Variants in SLC37A1 observed in about 807,000 individuals in gnomAD.
SLC37A1 encodes the protein glucose-6-phosphate exchanger SLC37A1.
A neutral mutation model predicts 75.3 loss-of-function variants in SLC37A1; 49 were observed. The ratio of observed to expected loss-of-function variants is 0.65; its 90% CI spans 0.52 to 0.83. The LOEUF is 0.83. Ranked by LOEUF, SLC37A1 falls within the 40% of genes least tolerant of loss-of-function variation. The probability of loss-of-function intolerance (pLI) is 0.00; values close to 1 mark genes in which losing one functional copy is unlikely to be tolerated. For synonymous variants in SLC37A1, 268 were observed against 292.1 expected, an observed-to-expected ratio of 0.92 and a Z score of 0.84; for missense variants, 566 against 695.0, an observed-to-expected ratio of 0.81 and a Z score of 2.09.
chr21:42,572,677 C>A lies in SLC37A1; in HGVS notation c.1424-2141C>A, dbSNP rs200153043. 4.2e-4 allele frequency among the ~76,000 whole-genome samples: 34 copies of A among 80,510 alleles called. 1 individual carries two copies. Among genetic ancestry groups the A allele is most frequent in the African/African-American group, 4.4e-4 (11 of 24,864 alleles). The allele number at this position is 80,510 out of a possible 152,430, so 52.8% of individuals were successfully genotyped here. A position where few individuals can be genotyped will look rare whatever the true frequency, so the allele number is the denominator to read the frequency against. On this transcript the variant is annotated intron_variant, in intron 17 of 19. Coordinates refer to ENST00000352133, the MANE Select transcript of SLC37A1 (RefSeq NM_001320537.2). ...TAACAGGTTTTCAGCCACACACACA[C>A]AAAAAAAAAAAAAAGAGTGTGTCCT...
At chr21:42,555,327 TCTC>T (rs2055661979) in intron 10 of SLC37A1, among the ~76,000 whole-genome samples, 2 of 152,280 alleles carry the variant, frequency 1.3e-5, no homozygotes, top group African/African-American at 4.8e-5. Flanking sequence ...ACACAGGGCC[TCTC>T]CTCTGTCAGA....
chr21:42,525,494 A>T (rs1356173823), intron 2 of SLC37A1, among the ~76,000 whole-genome samples: 1 of 152,248 alleles, frequency 6.6e-6, no homozygotes, highest in Admixed American at 6.5e-5. Context: ...ACCCCTACAC[A>T]CGTAGTGTTA....
At chr21:42,564,025 G>A (rs1360276778) in intron 13 of SLC37A1, 148 bp downstream of exon 13, 8 of 816,794 alleles carry the variant, frequency 9.8e-6, no homozygotes, top group Non-Finnish European at 1.6e-5. Context: ...CCGTCACCTG[G>A]GGGTGGTTTT....
intron 2 of SLC37A1, among the ~76,000 whole-genome samples, chr21:42,503,648 G>A (rs1024522186): frequency 1.3e-5 from 2 of 152,088 alleles, no homozygotes; most frequent in African/African-American, 2.4e-5. Context: ...TCAGCTCTGG[G>A]TACTGTTGCT....
At chr21:42,524,387 A>G (rs2054728349) in intron 2 of SLC37A1, among the ~76,000 whole-genome samples, 2 of 151,960 alleles carry the variant, frequency 1.3e-5, no homozygotes, top group South Asian at 4.1e-4. Flanking sequence ...TTTCTTCCTC[A>G]CACTCATGCT....
intron 2 of SLC37A1, among the ~76,000 whole-genome samples, chr21:42,505,024 G>A (rs143826410): frequency 6.6e-6 from 1 of 152,134 alleles, no homozygotes; most frequent in Non-Finnish European, 1.5e-5. Context: ...CCTTAGTCAG[G>A]ACACCATCAT....
upstream of SLC37A1, among the ~76,000 whole-genome samples, chr21:42,512,974 G>A (rs1166802756): frequency 6.6e-6 from 1 of 152,256 alleles, no homozygotes; most frequent in Non-Finnish European, 1.5e-5. Context: ...GCACTGGCCT[G>A]TTGGGACATT....
rs372686612 is a variant in SLC37A1 at position 42,560,963 on chromosome 21, C to G, written c.982-1115C>G. ...AGTGTTCAGGCAAGTGTGGCACACT[C>G]TGAGCCTCCATGTCCTCATCTGTCA... On this transcript the variant is annotated intron_variant, in intron 11 of 19. Transcript: ENST00000352133. Among the ~76,000 whole-genome samples, 9 of 152,328 alleles carry G rather than the reference C, an allele frequency of 5.9e-5. No homozygotes were observed. The East Asian group carries it at 1.7e-3, about 29-fold the overall frequency.
intron 2 of SLC37A1, among the ~76,000 whole-genome samples, chr21:42,503,849 TG>T (rs558246249): frequency 1.1e-4 from 16 of 152,304 alleles, no homozygotes; most frequent in African/African-American, 3.6e-4. Flanking sequence ...GGTTTTAAAC[TG>T]GACTGGTAAT....
rs2055761131 is a variant in SLC37A1 at position 42,559,069 on chromosome 21, A to C, written c.961A>C (p.Thr321Pro). The C allele has an allele frequency of 1.2e-6, 2 of 1,611,760 alleles. No homozygotes were observed. Among genetic ancestry groups the C allele is most frequent in the East Asian group, 4.5e-5 (2 of 44,608 alleles). Residue 321 changes from threonine (T) to proline (P), a missense_variant, in exon 11 of 20, where the codon ACA (threonine) becomes CCA (proline). Transcript: ENST00000352133. ...GAGTGGCACGGCCGCCATCAGCTTC[A>C]CAGGGGCCTTGAAAATTCCAGTAAG... ...GGSGTAAISFTGALKIPGVIE... is the reference protein window; with the variant it reads ...GGSGTAAISFPGALKIPGVIE...
intron 8 of SLC37A1, among the ~76,000 whole-genome samples, chr21:42,544,651 C>T (rs923964090): frequency 1.2e-4 from 19 of 152,270 alleles, no homozygotes; most frequent in African/African-American, 1.4e-4. Flanking sequence ...CCTTCGGCCA[C>T]ACCCCAAACA....
chr21:42,501,373 A>G (rs2054339937), intron 1 of SLC37A1, among the ~76,000 whole-genome samples: 1 of 152,244 alleles, frequency 6.6e-6, no homozygotes, highest in Non-Finnish European at 1.5e-5. Flanking sequence ...AAGAAATTAC[A>G]GACCCATTGG....
intron 1 of SLC37A1, among the ~76,000 whole-genome samples, chr21:42,500,485 C>T (rs1363719268): frequency 6.6e-6 from 1 of 152,140 alleles, no homozygotes; most frequent in Non-Finnish European, 1.5e-5. Flanking sequence ...TAGCATAGTG[C>T]CTAGCACAAA....
intron 17 of SLC37A1, among the ~76,000 whole-genome samples, chr21:42,574,312 T>C (rs761897124): frequency 7.9e-5 from 12 of 152,230 alleles, no homozygotes; most frequent in Non-Finnish European, 1.8e-4. Flanking sequence ...TTACGTGTAC[T>C]CAAGAAAATA....
intron 5 of SLC37A1, among the ~76,000 whole-genome samples, chr21:42,537,053 C>T (rs2055157815): frequency 6.6e-6 from 1 of 152,228 alleles, no homozygotes; most frequent in Admixed American, 6.5e-5. Flanking sequence ...TTCCCTGAGA[C>T]CTGCCCAGAG....
chr21:42,516,675 TC>T (rs1408841497), intron 1 of SLC37A1, among the ~76,000 whole-genome samples: 1 of 152,244 alleles, frequency 6.6e-6, no homozygotes, highest in African/African-American at 2.4e-5. Flanking sequence ...AGGTTTTTTT[TC>T]CCTTCTTGAT....
Position 42,553,144 on chromosome 21 carries a change from G to A in SLC37A1, c.769-918G>A, listed in dbSNP as rs529590750. On this transcript the variant is annotated intron_variant, in intron 9 of 19. Transcript: ENST00000352133. The stretch of plus-strand genomic sequence containing the variant: ...TTCCCCGTGTTTCCCGCCTTTTGGA[G>A]GCCCCATAGATCTCTACTTGCAGAT... Among the ~76,000 whole-genome samples the A allele has an allele frequency of 2.6e-5, 4 of 152,266 alleles. No homozygotes were observed. In the South Asian group the frequency reaches 6.2e-4, roughly 24 times the overall value.
At chr21:42,562,219 G>A (rs1569030537) in intron 12 of SLC37A1, 51 bp downstream of exon 12, 5 of 1,517,234 alleles carry the variant, frequency 3.3e-6, no homozygotes, top group Non-Finnish European at 3.7e-6. Context: ...ACTGGGGTCC[G>A]AAGTCTCTTC....
At chr21:42,551,800 T>C (rs1297175117) in intron 9 of SLC37A1, among the ~76,000 whole-genome samples, 2 of 147,142 alleles carry the variant, frequency 1.4e-5, no homozygotes, top group African/African-American at 5.3e-5. Context: ...ACCTCAATGG[T>C]TTTTTTTGTT....
Sources: allele counts gnomAD v4.1 joint callset (sites outside exome capture counted in the v4.1 genomes callset), GRCh38; gene constraint gnomAD v4.1.1; transcripts MANE v1.5; gene names NCBI Gene and HGNC (gene_info 2026-07-23, HGNC 2026-07-21).